The following GALNTL6 variants were observed in gnomAD, a reference collection of about 807,000 sequenced individuals.
GALNTL6 encodes the protein polypeptide N-acetylgalactosaminyltransferase like 6, also known as polypeptide N-acetylgalactosaminyltransferase-like 6.
Under a neutral mutation model 73.7 loss-of-function variants are expected in GALNTL6, and 46 were observed. The observed-to-expected ratio is 0.62, with a 90% CI of 0.49 to 0.80. The LOEUF (loss-of-function observed/expected upper bound fraction) is 0.80, where lower values mean the gene tolerates loss of function less well. GALNTL6 is among the 30% of genes least tolerant of loss of function. The pLI, the probability that GALNTL6 is intolerant of heterozygous loss-of-function variation, is 0.00. For synonymous variants in GALNTL6, 259 were observed against 263.7 expected (o/e 0.98, Z 0.17); for missense variants, 604 against 755.0 (o/e 0.80, Z 2.34).
At chr4:172,103,141 G>A (rs568511976) in intron 2 of GALNTL6, among the ~76,000 whole-genome samples, 7 of 152,254 alleles carry the variant, frequency 4.6e-5, no homozygotes, top group South Asian at 2.1e-4. Flanking sequence ...TGCACCCACC[G>A]GCTAATCACC....
At chr4:173,023,504 A>G (rs1309760342) in intron 12 of GALNTL6, among the ~76,000 whole-genome samples, 2 of 152,134 alleles carry the variant, frequency 1.3e-5, no homozygotes, top group East Asian at 3.9e-4. Flanking sequence ...TAAAAAATAC[A>G]AAATTAGCCA....
intron 5 of GALNTL6, among the ~76,000 whole-genome samples, chr4:172,587,681 T>A (rs144901453): frequency 6.6e-6 from 1 of 152,292 alleles, no homozygotes; most frequent in African/African-American, 2.4e-5. Context: ...GCTCACAGAT[T>A]CTTATACATC....
chr4:172,110,128 C>T (rs1732810914), intron 2 of GALNTL6, among the ~76,000 whole-genome samples: 1 of 152,130 alleles, frequency 6.6e-6, no homozygotes, highest in Admixed American at 6.5e-5. Context: ...TTTATCTTTT[C>T]TTTTTTGGTT....
intron 5 of GALNTL6, among the ~76,000 whole-genome samples, chr4:172,623,574 G>C (rs1303699605): frequency 6.6e-6 from 1 of 152,050 alleles, no homozygotes; most frequent in Non-Finnish European, 1.5e-5. Context: ...AAAGAACCAA[G>C]TTACAGTTGT....
At position 172,954,871 on chromosome 4, in the gene GALNTL6, A is replaced by T. The variant is rs186382136; in HGVS notation, c.1371+2613A>T. Among the ~76,000 whole-genome samples, 50 of 152,300 alleles carry T rather than the reference A, an allele frequency of 3.3e-4. 1 individual carries two copies. In the East Asian group the frequency reaches 9.5e-3, roughly 29 times the overall value. ...ATATTTAGGTTTAGGAAAGAAGAAAATGGGGACATAGTTTATGGGCCAGTT... is the reference window on the plus strand; with the variant it reads ...ATATTTAGGTTTAGGAAAGAAGAAATTGGGGACATAGTTTATGGGCCAGTT... On this transcript the variant is annotated intron_variant, in intron 10 of 12. Transcript: ENST00000506823.
chr4:172,206,928 G>C (rs531379451), intron 2 of GALNTL6, among the ~76,000 whole-genome samples: 166 of 148,382 alleles, frequency 1.1e-3, no homozygotes, highest in Middle Eastern at 3.5e-3. Context: ...GGCTATTCTC[G>C]TGCCTCAGCC....
At chr4:172,540,355 A>C (rs1322965913) in intron 5 of GALNTL6, among the ~76,000 whole-genome samples, 1 of 152,052 alleles carries the variant, frequency 6.6e-6, no homozygotes, top group African/African-American at 2.4e-5. Context: ...CTTTCATTTA[A>C]ACTCAGTCAG....
In GALNTL6 at chr4:171,814,502, G is replaced by C; in HGVS notation, c.-79G>C. The stretch of plus-strand genomic sequence containing the variant: ...AGTTTCTGGTGCTTCGCAGGGGAGA[G>C]GAAAGGAATTTGACATTAAACACAA... On this transcript the variant is annotated 5_prime_UTR_variant, in exon 2 of 13. Coordinates refer to ENST00000506823, the MANE Select transcript of GALNTL6 (RefSeq NM_001034845.3). 6 of 1,497,358 alleles carry C rather than the reference G, an allele frequency of 4.0e-6. No homozygotes were observed. Among genetic ancestry groups the C allele is most frequent in the Admixed American group, 1.8e-5 (1 of 55,506 alleles). 92.8% of individuals were successfully genotyped at this position (1,497,358 alleles called of 1,614,324 possible).
chr4:171,890,718 T>C (rs1397378047), intron 2 of GALNTL6, among the ~76,000 whole-genome samples: 1 of 152,158 alleles, frequency 6.6e-6, no homozygotes, highest in Non-Finnish European at 1.5e-5. Flanking sequence ...CACCCTTGTA[T>C]GTAACATTTT....
intron 5 of GALNTL6, among the ~76,000 whole-genome samples, chr4:172,743,770 T>C (rs1051377437): frequency 1.3e-5 from 2 of 152,124 alleles, no homozygotes; most frequent in East Asian, 3.8e-4. Flanking sequence ...TACAAACTTA[T>C]ATTTAAAAAG....
chr4:172,868,894 A>G lies in GALNTL6; in HGVS notation c.924-13896A>G, dbSNP rs530730655. ...TAATCCTGGGACTGGAGGGCACTGA[A>G]CAAATGAACTGAGGAACACAGTCCT... On this transcript the variant is annotated intron_variant, in intron 7 of 12. Transcript: ENST00000506823. 3.9e-5 allele frequency among the ~76,000 whole-genome samples: 6 copies of G among 152,318 alleles called. No individual in the cohort carries two copies. In the South Asian group the frequency reaches 1.2e-3, roughly 32 times the overall value.
At chr4:172,380,924 T>A (rs1743262648) in intron 5 of GALNTL6, among the ~76,000 whole-genome samples, 1 of 152,234 alleles carries the variant, frequency 6.6e-6, no homozygotes, top group South Asian at 2.1e-4. Context: ...AAAATAAATT[T>A]ATTTTTATAA....
In GALNTL6 at chr4:172,246,578, C is replaced by G. The variant is rs573296908; in HGVS notation, c.247+16814C>G. On this transcript the variant is annotated intron_variant, in intron 3 of 12. Coordinates refer to ENST00000506823, the MANE Select transcript of GALNTL6 (RefSeq NM_001034845.3). ...ATCACAAATATTTTTATAATCTAAC[C>G]AGAGGCATTCAATGCATTATCCAAA... Among the ~76,000 whole-genome samples the G allele has an allele frequency of 2.0e-5, 3 of 151,804 alleles. No homozygotes were observed. In the South Asian group the frequency reaches 6.2e-4, roughly 32 times the overall value.
rs562369442 is a variant in GALNTL6 at position 171,888,847 on chromosome 4, A to G, written c.138+74129A>G. 5.8e-4 allele frequency among the ~76,000 whole-genome samples: 88 copies of G among 152,226 alleles called. 1 individual carries two copies. Among genetic ancestry groups the G allele is most frequent in the African/African-American group, 1.3e-3 (56 of 41,568 alleles). On this transcript the variant is annotated intron_variant, in intron 2 of 12. Transcript: ENST00000506823. ...GAAAAATGACCATGATATAATTTTT[A>G]CTACCTTGGCTAGGAGTCTATTTGA...
At chr4:172,692,732 A>G (rs1733388589) in intron 5 of GALNTL6, among the ~76,000 whole-genome samples, 1 of 152,204 alleles carries the variant, frequency 6.6e-6, no homozygotes, top group African/African-American at 2.4e-5. Flanking sequence ...CAGAATATGA[A>G]ACTTTTAGAT....
intron 7 of GALNTL6, among the ~76,000 whole-genome samples, chr4:172,869,563 C>A (rs1289247256): frequency 6.6e-6 from 1 of 152,158 alleles, no homozygotes; most frequent in Non-Finnish European, 1.5e-5. Flanking sequence ...CGTCTGGTTC[C>A]CAAGTCTGGG....
intron 7 of GALNTL6, among the ~76,000 whole-genome samples, chr4:172,857,540 A>C (rs1160130872): frequency 6.6e-6 from 1 of 152,240 alleles, no homozygotes; most frequent in Non-Finnish European, 1.5e-5. Context: ...ACTAAACTTA[A>C]GAAGAGAACT....
intron 2 of GALNTL6, among the ~76,000 whole-genome samples, chr4:172,014,210 G>A (rs564698230): frequency 6.6e-6 from 1 of 152,050 alleles, no homozygotes; most frequent in Non-Finnish European, 1.5e-5. Flanking sequence ...TCAATATACT[G>A]ATTTCCTTTC....
intron 2 of GALNTL6, among the ~76,000 whole-genome samples, chr4:172,185,978 A>G (rs548704218): frequency 2.6e-5 from 4 of 152,326 alleles, no homozygotes; most frequent in African/African-American, 9.6e-5. Flanking sequence ...TGAATCTTTA[A>G]AGGATGAAAT....
Sources: gnomAD v4.1 joint callset for allele counts (sites outside exome capture counted in the v4.1 genomes callset) on GRCh38, gnomAD v4.1.1 for gene constraint, MANE v1.5 for transcripts, NCBI Gene and HGNC (gene_info 2026-07-23, HGNC 2026-07-21) for gene names.